The following PI4KB variants were observed in gnomAD, a reference collection of about 807,000 sequenced individuals.
The protein encoded by PI4KB is phosphatidylinositol 4-kinase beta.
Under a neutral mutation model 81.4 loss-of-function variants are expected in PI4KB, and 23 were observed. The ratio of observed to expected loss-of-function variants is 0.28; its 90% CI spans 0.20 to 0.40. The LOEUF (loss-of-function observed/expected upper bound fraction) is 0.40. PI4KB is among the 10% of genes least tolerant of loss of function. PI4KB has a pLI of 1.00. For missense variants in PI4KB, 651 were observed against 1,036.6 expected (o/e 0.63, Z 5.11); for synonymous variants, 381 against 406.8 (o/e 0.94, Z 0.76).
chr1:151,322,153 C>T (rs1453818357), intron 1 of PI4KB, among the ~76,000 whole-genome samples: 1 of 152,090 alleles, frequency 6.6e-6, no homozygotes, highest in Non-Finnish European at 1.5e-5. Flanking sequence ...AAGAGGCCTC[C>T]CCTGTTCCAC....
Position 151,306,221 on chromosome 1 carries a change from C to T in PI4KB, c.1325G>A (p.Arg442Gln), listed in dbSNP as rs1429255243. Residue 442 changes from arginine to glutamine, a missense_variant, in exon 5 of 12, where the codon CGA becomes CAA. Physicochemically the swap from Arg to Gln is conservative, Grantham distance 43. Around this residue, in one of 5 missense-constraint regions of PI4KB, gnomAD observed 246 missense variants for 430.1 expected, o/e 0.57. Coordinates refer to ENST00000368873, the MANE Select transcript of PI4KB (RefSeq NM_001369623.2). ...GGGCACAGTGCTGAAGCTGCCAGCT[C>T]GCTGCTCATGGGTAATACCACATTC... Reference protein sequence around the residue: ...LPECGITHEQRAGSFSTVPNY... With the variant: ...LPECGITHEQQAGSFSTVPNY... The T allele has an allele frequency of 2.1e-5, 34 of 1,614,038 alleles. No individual in the cohort carries two copies. Among genetic ancestry groups the T allele is most frequent in the Non-Finnish European group, 2.5e-5 (30 of 1,180,048 alleles).
rs1392789519 is a variant in PI4KB, at chr1:151,315,594, AG to A, written c.887del (p.Pro296LeufsTer37). Reference protein sequence around the residue: ...SSNLKRTASNPKVENEDEELS... With the variant: ...SSNLKRTASNXKVENEDEELS... ...TTACCTCATCCTCATTCTCCACTTT[AG>A]GGTTGCTGGCTGTTCGTTTCAGGTT... is the stretch of plus-strand genomic sequence containing the variant. On this transcript the variant is annotated frameshift_variant, in exon 2 of 12. Coordinates refer to ENST00000368873, the MANE Select transcript of PI4KB (RefSeq NM_001369623.2). LOFTEE classifies it high-confidence loss of function. 1 of 1,613,670 alleles carries A rather than the reference AG, an allele frequency of 6.2e-7. No homozygotes were observed. Among genetic ancestry groups the A allele is most frequent in the Non-Finnish European group, 8.5e-7 (1 of 1,179,784 alleles).
intron 9 of PI4KB, among the ~76,000 whole-genome samples, chr1:151,297,239 G>T (rs1205090365): frequency 6.6e-6 from 1 of 151,944 alleles, no homozygotes; most frequent in Admixed American, 6.6e-5. Flanking sequence ...ATACCACCAT[G>T]CTTGGCTAAT....
intron 1 of PI4KB, among the ~76,000 whole-genome samples, chr1:151,323,357 A>T (rs146030993): frequency 0.026 from 3,873 of 147,340 alleles, 174 homozygotes; most frequent in African/African-American, 0.092. Flanking sequence ...AATATAAAAA[A>T]CTAGCCAGGC....
At chr1:151,309,272 A>T (rs587663160) in intron 3 of PI4KB, among the ~76,000 whole-genome samples, 1 of 152,282 alleles carries the variant, frequency 6.6e-6, no homozygotes, top group South Asian at 2.1e-4. Flanking sequence ...CCCAATTCAT[A>T]ATCATCTCAG....
In PI4KB at chr1:151,315,915, G is replaced by A. The variant is rs1752379; in HGVS notation, c.567C>T (p.Asp189=). The A allele has an allele frequency of 3.9e-3, 6,349 of 1,613,858 alleles. 248 individuals carry two copies. The African/African-American group carries it at 0.075, about 19-fold the overall frequency. The change falls in exon 2 of 12, where the codon GAC becomes GAT. Residue 189 remains aspartate (D), a synonymous_variant. Transcript: ENST00000368873. ...TGTAGGGCTTAATGGCATCACCCAC[G>A]TCCTCATCCATGTGGATGTACATGT... ...LLNMYIHMDE[D]VGDAIKPYIV...
rs1213802054 is a variant in PI4KB at position 151,298,605 on chromosome 1, AT to A, written c.2015+202del. On this transcript the variant is annotated intron_variant, in intron 9 of 11. Transcript: ENST00000368873. ...CCCTTAGTCCTCCCATAAATCCTTC[AT>A]TTCTTTGCCCTTTTACCCTAGTTCT... 160 of 643,168 alleles carry A rather than the reference AT, an allele frequency of 2.5e-4. No individual in the cohort carries two copies. In the African/African-American group the frequency reaches 2.7e-3, roughly 11 times the overall value. 39.8% of individuals were successfully genotyped at this position (643,168 alleles called of 1,614,324 possible).
chr1:151,293,966 C>T, intron 11 of PI4KB, 52 bp downstream of exon 11: 14 of 1,610,344 alleles, frequency 8.7e-6, no homozygotes, highest in Non-Finnish European at 1.1e-5. Flanking sequence ...AGGGCTCCGA[C>T]TTAAAGGGGA....
At chr1:151,315,034 A>G (rs1228719450) in intron 2 of PI4KB, among the ~76,000 whole-genome samples, 1 of 152,184 alleles carries the variant, frequency 6.6e-6, no homozygotes, top group Non-Finnish European at 1.5e-5. Flanking sequence ...GCTGGAGTGC[A>G]GTGGCGCGAT....
chr1:151,296,675 G>A (rs1374813123), intron 9 of PI4KB, among the ~76,000 whole-genome samples: 1 of 151,920 alleles, frequency 6.6e-6, no homozygotes, highest in African/African-American at 2.4e-5. Context: ...TCACCGTGTT[G>A]GTCATGCTGG....
At chr1:151,303,696 C>T (rs1389488934) in intron 5 of PI4KB, 46 bp from the exon 6 acceptor site, 1 of 1,171,794 alleles carries the variant, frequency 8.5e-7, no homozygotes, top group Non-Finnish European at 1.3e-6. Flanking sequence ...GTATAGGTCT[C>T]CCGTCTTTCC....
intron 1 of PI4KB, among the ~76,000 whole-genome samples, chr1:151,324,419 G>GTT (rs1649328509): frequency 6.6e-6 from 1 of 152,138 alleles, no homozygotes; most frequent in Non-Finnish European, 1.5e-5. Context: ...TGACCTCAAT[G>GTT]GTAAAGGTAG....
At chr1:151,326,964 T>C (rs1649701205) in intron 1 of PI4KB, among the ~76,000 whole-genome samples, 1 of 151,896 alleles carries the variant, frequency 6.6e-6, no homozygotes, top group Middle Eastern at 3.2e-3. Flanking sequence ...ATGGGAGTCG[T>C]CTGATATGGA....
chr1:151,312,911 G>C (rs1464630986), intron 2 of PI4KB, among the ~76,000 whole-genome samples: 5 of 152,166 alleles, frequency 3.3e-5, no homozygotes, highest in Non-Finnish European at 7.4e-5. Flanking sequence ...CCAGGTACTT[G>C]GGAGGCTAAG....
chr1:151,326,323 C>T, intron 1 of PI4KB: 1 of 684,324 alleles, frequency 1.5e-6, no homozygotes, highest in Non-Finnish European at 2.5e-6. Context: ...GCAGCTGAGG[C>T]TCCCCCTGCT....
intron 9 of PI4KB, among the ~76,000 whole-genome samples, chr1:151,294,874 A>G (rs1694659914): frequency 1.3e-5 from 2 of 152,216 alleles, no homozygotes; most frequent in Non-Finnish European, 2.9e-5. Flanking sequence ...AGAAGCAAGG[A>G]AAGAGGGCCT....
At chr1:151,308,151 G>A (rs1046661885) in intron 3 of PI4KB, among the ~76,000 whole-genome samples, 19 of 152,226 alleles carry the variant, frequency 1.2e-4, no homozygotes, top group African/African-American at 3.4e-4. Flanking sequence ...GGGCCACAGA[G>A]AGAAGAGCTG....
At chr1:151,315,039 C>T (rs149230982) in intron 2 of PI4KB, among the ~76,000 whole-genome samples, 1,621 of 152,208 alleles carry the variant, frequency 0.011, 29 homozygotes, top group African/African-American at 0.037. Flanking sequence ...AGTGCAGTGG[C>T]GCGATCTCTG....
rs3818561 is a variant in PI4KB at position 151,309,988 on chromosome 1, G to A, written c.954+223C>T. On this transcript the variant is annotated intron_variant, in intron 3 of 11. Transcript: ENST00000368873. The stretch of plus-strand genomic sequence containing the variant: ...TGTACTCCAGCTGTCTCTGAGAGAA[G>A]GATCAGCTGAGCTCATCTCAGCCTG... Among the ~76,000 whole-genome samples, 552 of 152,284 alleles carry A rather than the reference G, an allele frequency of 3.6e-3. 29 individuals are homozygous for A. The East Asian group carries it at 0.1, about 28-fold the overall frequency.
Sources: gnomAD v4.1 joint callset for allele counts (sites outside exome capture counted in the v4.1 genomes callset) on GRCh38, gnomAD v4.1.1 for gene constraint, gnomAD v4.1.1 regional missense constraint, MANE v1.5 for transcripts, NCBI Gene and HGNC (gene_info 2026-07-23, HGNC 2026-07-21) for gene names.